Variants in SLC36A4 observed in about 807,000 individuals in gnomAD.
SLC36A4 encodes solute carrier family 36 member 4.
Under a neutral mutation model 50.5 loss-of-function variants are expected in SLC36A4, and 49 were observed. The ratio of observed to expected loss-of-function variants is 0.97; its 90% CI spans 0.77 to 1.23. The LOEUF (loss-of-function observed/expected upper bound fraction) is 1.23, where lower values mean the gene tolerates loss of function less well. SLC36A4 is among the 50% of genes most tolerant of loss of function. The pLI, the probability that SLC36A4 is intolerant of heterozygous loss-of-function variation, is 0.00. For missense variants in SLC36A4, 611 were observed against 608.4 expected, an observed-to-expected ratio of 1.00 and a Z score of -0.05; for synonymous variants, 207 against 206.5, an observed-to-expected ratio of 1.00 and a Z score of -0.02.
intron 6 of SLC36A4, among the ~76,000 whole-genome samples, chr11:93,174,078 A>T (rs899102422): frequency 6.6e-6 from 1 of 151,244 alleles, no homozygotes; most frequent in Non-Finnish European, 1.5e-5. Flanking sequence ...CCTACCCATG[A>T]GCATGGAATG....
At chr11:93,169,694 A>T (rs1386002817) in intron 6 of SLC36A4, among the ~76,000 whole-genome samples, 4 of 152,144 alleles carry the variant, frequency 2.6e-5, no homozygotes, top group Admixed American at 2.6e-4. Context: ...CATTTAAGAA[A>T]TGCACAGCTC....
At chr11:93,180,626 C>T (rs1258863426) in intron 6 of SLC36A4, among the ~76,000 whole-genome samples, 171 bp downstream of exon 6, 2 of 151,968 alleles carry the variant, frequency 1.3e-5, no homozygotes, top group Admixed American at 6.6e-5. Context: ...TCAACAATTA[C>T]AGCAGAAATC....
At chr11:93,156,147 G>A (rs926995570) in intron 9 of SLC36A4, among the ~76,000 whole-genome samples, 6 of 152,162 alleles carry the variant, frequency 3.9e-5, no homozygotes, top group East Asian at 1.9e-4. Context: ...TTGAGGCATC[G>A]CCACACTGTC....
chr11:93,149,451 G>A (rs1396702648), intron 10 of SLC36A4, among the ~76,000 whole-genome samples: 2 of 152,000 alleles, frequency 1.3e-5, no homozygotes, highest in Admixed American at 1.3e-4. Context: ...TTACAGTGGA[G>A]AAATAAGTCA....
intron 7 of SLC36A4, among the ~76,000 whole-genome samples, chr11:93,167,701 A>G (rs1056583081): frequency 8.5e-5 from 13 of 152,278 alleles, no homozygotes; most frequent in Admixed American, 7.9e-4. Context: ...GCACTGTCAC[A>G]AAGCCCAGAG....
intron 9 of SLC36A4, chr11:93,160,382 G>T (rs1325480797): frequency 1.0e-6 from 1 of 985,212 alleles, no homozygotes. Context: ...AATGAAAGGT[G>T]GTGTCTAGCT....
At chr11:93,166,330 A>G (rs1263624634) in intron 7 of SLC36A4, 2 of 1,059,352 alleles carry the variant, frequency 1.9e-6, no homozygotes, top group South Asian at 3.6e-5. Context: ...CAGGAAATAC[A>G]TAAGCACACT....
At chr11:93,185,859 T>C (rs1287747028) in intron 1 of SLC36A4, 45 bp from the exon 2 acceptor site, 1 of 1,519,004 alleles carries the variant, frequency 6.6e-7, no homozygotes, top group Non-Finnish European at 8.8e-7. Flanking sequence ...CTTAAAAAAG[T>C]TGGATAAAGC....
At chr11:93,176,431 G>A (rs1426109337) in intron 6 of SLC36A4, among the ~76,000 whole-genome samples, 7 of 152,230 alleles carry the variant, frequency 4.6e-5, no homozygotes, top group South Asian at 2.1e-4. Flanking sequence ...TTTAATTGGA[G>A]AATTTAGTCC....
intron 6 of SLC36A4, among the ~76,000 whole-genome samples, chr11:93,172,556 A>C (rs556894950): frequency 6.6e-6 from 1 of 150,692 alleles, no homozygotes; most frequent in South Asian, 2.1e-4. Context: ...CTAACTCGTC[A>C]TCTAGCATTA....
chr11:93,181,767 C>T lies in SLC36A4; in HGVS notation c.379G>A (p.Gly127Ser). 1.3e-6 allele frequency: 2 copies of T among 1,553,176 alleles called. No individual in the cohort carries two copies. The highest frequency in any genetic ancestry group is 1.7e-6 in the Non-Finnish European group (2 of 1,145,044). ...GCAAAGCTCACAGTGTCACTATAACCTAATGTTGACTTTTTAAACCTGTAA... is the reference window on the plus strand; with the variant it reads ...GCAAAGCTCACAGTGTCACTATAACTTAATGTTGACTTTTTAAACCTGTAA... ...LCLRFKKSTL[G>S]YSDTVSFAME... is the part of the protein sequence containing the mutation. The change falls in exon 5 of 11, where the codon GGT (glycine) becomes AGT (serine). Residue 127 changes from glycine (G) to serine (S), a missense_variant. Gly to Ser is a moderately conservative substitution (Grantham distance 56, BLOSUM62 0). Transcript: ENST00000326402.
chr11:93,146,980 T>C lies in SLC36A4; in HGVS notation c.*1557A>G, dbSNP rs1859860812. The C allele has an allele frequency of 6.6e-6, 1 of 152,050 alleles. No homozygotes were observed. The highest frequency in any genetic ancestry group is 2.4e-5 in the African/African-American group (1 of 41,424). 9.4% of individuals were successfully genotyped at this position (152,050 alleles called of 1,614,324 possible). On this transcript the variant is annotated 3_prime_UTR_variant, in exon 11 of 11. Transcript: ENST00000326402. ...TTATGATTCTTGTATATATTTATTG[T>C]TGTTTTAGTTTTTAAGAGTTGGGAT...
At chr11:93,152,220 C>T (rs1000572431) in intron 10 of SLC36A4, 1 of 152,150 alleles carries the variant, frequency 6.6e-6, no homozygotes, top group African/African-American at 2.4e-5. Context: ...CCTCCACTCT[C>T]ATTGCTAGTG....
rs1467407686 is a variant in SLC36A4 at position 93,145,118 on chromosome 11, G to C, written c.*3419C>G. The C allele has an allele frequency of 6.6e-6, 1 of 151,968 alleles. No individual in the cohort carries two copies. The highest frequency in any genetic ancestry group is 6.6e-5 in the Admixed American group (1 of 15,234). The allele number at this position is 151,968 out of a possible 1,614,324, so 9.4% of individuals were successfully genotyped here. On this transcript the variant is annotated 3_prime_UTR_variant, in exon 11 of 11. Transcript: ENST00000326402. ...ACATAAGTAAGCTATAGTAAGACTTGTGCCTTGCCACAGCTAGAAATGGCA... is the reference window on the plus strand; with the variant it reads ...ACATAAGTAAGCTATAGTAAGACTTCTGCCTTGCCACAGCTAGAAATGGCA...
At chr11:93,149,107 T>C (rs1242094728) in intron 10 of SLC36A4, among the ~76,000 whole-genome samples, 1 of 152,134 alleles carries the variant, frequency 6.6e-6, no homozygotes, top group African/African-American at 2.4e-5. Context: ...TTTTTTGCTT[T>C]AAAATTCTGG....
intron 9 of SLC36A4, chr11:93,155,057 C>T (rs983969910): frequency 6.6e-6 from 1 of 151,928 alleles, no homozygotes; most frequent in African/African-American, 2.4e-5. Flanking sequence ...AAAAAGAAGA[C>T]TTTTTAAACG....
chr11:93,150,046 G>C (rs185857911), intron 10 of SLC36A4, among the ~76,000 whole-genome samples: 1 of 152,084 alleles, frequency 6.6e-6, no homozygotes, highest in Non-Finnish European at 1.5e-5. Context: ...CTGGTCTGGC[G>C]CTTTCTTGAT....
chr11:93,153,266 A>G (rs1300906905), intron 10 of SLC36A4, among the ~76,000 whole-genome samples: 1 of 152,108 alleles, frequency 6.6e-6, no homozygotes, highest in Non-Finnish European at 1.5e-5. Flanking sequence ...GGTCCCTGGT[A>G]TCATTTTAGG....
chr11:93,168,676 T>C (rs1022664352), intron 6 of SLC36A4, among the ~76,000 whole-genome samples: 5 of 152,038 alleles, frequency 3.3e-5, no homozygotes, highest in African/African-American at 7.2e-5. Context: ...AAAACTCTTA[T>C]AAAGCAATTA....
Sources: gnomAD v4.1 joint callset for allele counts (sites outside exome capture counted in the v4.1 genomes callset) on GRCh38, gnomAD v4.1.1 for gene constraint, MANE v1.5 for transcripts, NCBI Gene and HGNC (gene_info 2026-07-23, HGNC 2026-07-21) for gene names.